Variants in RABEP2 observed in about 807,000 individuals in gnomAD.
The protein encoded by RABEP2 is rab GTPase-binding effector protein 2.
In RABEP2, 57 loss-of-function variants were observed where a neutral mutation model predicts 74.1. The ratio of observed to expected loss-of-function variants is 0.77; its 90% CI spans 0.62 to 0.96. The LOEUF (loss-of-function observed/expected upper bound fraction) is 0.96, where lower values mean the gene tolerates loss of function less well. Among genes scored for constraint, RABEP2 ranks in the 40% least tolerant of loss-of-function variants. RABEP2 has a pLI of 0.00. For missense variants in RABEP2, 692 were observed against 756.3 expected (o/e 0.91, Z 1.00); for synonymous variants, 351 against 344.0 (o/e 1.02, Z -0.23).
At chr16:28,905,952 G>C (rs1294914928) in intron 9 of RABEP2, 67 bp downstream of exon 9, 14 of 1,612,422 alleles carry the variant, frequency 8.7e-6, no homozygotes, top group Non-Finnish European at 1.2e-5. Flanking sequence ...CCTGGGCCCC[G>C]GTGGCTCCCT....
intron 3 of RABEP2, among the ~76,000 whole-genome samples, chr16:28,915,648 G>A (rs1054414147): frequency 2.0e-5 from 3 of 151,758 alleles, no homozygotes; most frequent in East Asian, 2.0e-4. Flanking sequence ...GGGTTCAAGC[G>A]ATTCTCCTGC....
rs375796908 is a variant in RABEP2, at chr16:28,905,699, C to T, written c.1491+5G>A. 2.5e-6 allele frequency: 4 copies of T among 1,613,640 alleles called. No homozygotes were observed. Among genetic ancestry groups the T allele is most frequent in the South Asian group, 2.2e-5 (2 of 91,074 alleles). ...TCCTCCCAGTCCCCCTGCCCTCCCC[C>T]TCACCTTGCTCTGTTCCTGCTGCAC... On this transcript the variant is annotated splice_donor_5th_base_variant and intron_variant, in intron 11 of 12. Coordinates refer to ENST00000358201, the MANE Select transcript of RABEP2 (RefSeq NM_024816.3).
intron 5 of RABEP2, among the ~76,000 whole-genome samples, chr16:28,912,536 G>A (rs769115890): frequency 2.7e-5 from 4 of 150,690 alleles, no homozygotes; most frequent in Non-Finnish European, 5.9e-5. Flanking sequence ...TCAACCTCTC[G>A]AAGTAGCCTG....
Position 28,914,252 on chromosome 16 carries a change from T to C in RABEP2, c.878A>G (p.Glu293Gly). The change falls in exon 5 of 13, where the codon GAG becomes GGG. Residue 293 changes from glutamate (E) to glycine (G), a missense_variant. Glu to Gly is a moderately conservative substitution (Grantham distance 98, BLOSUM62 -2). Transcript: ENST00000358201. ...GYQLVPDTQW[E>G]QLQTEGRQLQ... Reference sequence around the variant, plus strand: ...AACACTCACCTCTGTCTGCAGCTGCTCCCACTGAGTGTCTGGGACGAGCTG... The same window carrying C: ...AACACTCACCTCTGTCTGCAGCTGCCCCCACTGAGTGTCTGGGACGAGCTG... The C allele has an allele frequency of 6.2e-7, 1 of 1,604,536 alleles. No individual in the cohort carries two copies. The highest frequency in any genetic ancestry group is 8.5e-7 in the Non-Finnish European group (1 of 1,176,118).
In RABEP2 at chr16:28,904,846, G is replaced by A. The variant is rs1460622974; in HGVS notation, c.*97C>T. On this transcript the variant is annotated 3_prime_UTR_variant, in exon 13 of 13. Transcript: ENST00000358201. The stretch of plus-strand genomic sequence containing the variant: ...TCCCCTCAACCCCAGTCTCAGGGAC[G>A]GTGGAAAAGCCATCCAAGACCCCAG... The A allele has an allele frequency of 2.6e-5, 24 of 924,656 alleles. 1 individual carries two copies. Among genetic ancestry groups the A allele is most frequent in the South Asian group, 4.7e-5 (3 of 63,204 alleles). 57.3% of individuals were successfully genotyped at this position (924,656 alleles called of 1,614,324 possible). A position where few individuals can be genotyped will look rare whatever the true frequency, so the allele number is the denominator to read the frequency against.
At chr16:28,919,470 C>T (rs1030093158) in intron 3 of RABEP2, among the ~76,000 whole-genome samples, 2 of 152,182 alleles carry the variant, frequency 1.3e-5, no homozygotes, top group African/African-American at 4.8e-5. Context: ...AATATATTAC[C>T]AAGAGGTAAT....
At chr16:28,920,655 G>A (rs1165867188) in intron 2 of RABEP2, among the ~76,000 whole-genome samples, 1 of 151,992 alleles carries the variant, frequency 6.6e-6, no homozygotes, top group Non-Finnish European at 1.5e-5. Context: ...CAAAGTGCTG[G>A]GATTATAGGC....
At chr16:28,924,948 CT>C in intron 1 of RABEP2, 154 bp downstream of exon 1, 1 of 973,352 alleles carries the variant, frequency 1.0e-6, no homozygotes, top group Non-Finnish European at 1.6e-6. Flanking sequence ...GCCACGCCCC[CT>C]TTTGCCTGTG....
At chr16:28,908,952 C>CAGATT (rs1048979673) in intron 7 of RABEP2, among the ~76,000 whole-genome samples, 188 bp from the exon 8 acceptor site, 56 of 151,964 alleles carry the variant, frequency 3.7e-4, no homozygotes, top group African/African-American at 1.3e-3. Flanking sequence ...TGCTAACACG[C>CAGATT]AGATTACAGG....
At chr16:28,924,134 T>A (rs759903014) in intron 2 of RABEP2, 53 of 504,992 alleles carry the variant, frequency 1.0e-4, no homozygotes, top group Non-Finnish European at 1.7e-4. Context: ...TGATCAATCA[T>A]CAGTGAGGGA....
chr16:28,914,479 C>A lies in RABEP2; in HGVS notation c.651G>T (p.Gly217=), dbSNP rs1470511181. ...GAGCGAAGGCCTCAGCGGCTGGACC[C>A]CCATCTCCGCTCAGCTCCTCCAGAG... ...LEPLEELSGD[G]GPAAEAFAHN... is the part of the protein sequence containing the mutation. The change falls in exon 5 of 13, where the codon GGG becomes GGT. Residue 217 remains glycine (G), a synonymous_variant. Transcript: ENST00000358201. 1 of 1,613,288 alleles carries A rather than the reference C, an allele frequency of 6.2e-7. No individual in the cohort carries two copies. Among genetic ancestry groups the A allele is most frequent in the South Asian group, 1.1e-5 (1 of 91,074 alleles).
At chr16:28,915,097 A>G (rs142270423) in intron 3 of RABEP2, among the ~76,000 whole-genome samples, 2 of 2,624 alleles carry the variant, frequency 7.6e-4, no homozygotes, top group African/African-American at 1.8e-3. Context: ...GTCTTGCTCT[A>G]TCACCCAGGC....
chr16:28,910,967 T>A lies in RABEP2; in HGVS notation c.1010A>T (p.Gln337Leu). 1.2e-6 allele frequency: 2 copies of A among 1,611,900 alleles called. No individual in the cohort carries two copies. Among genetic ancestry groups the A allele is most frequent in the Non-Finnish European group, 1.7e-6 (2 of 1,178,618 alleles). Reference protein sequence around the residue: ...CAKQMQVLLAQVQNSEQLLRT... With the variant: ...CAKQMQVLLALVQNSEQLLRT... ...CAGCAGCTGCTCTGAGTTCTGGACC[T>A]GGGCCAGGAGCACCTGCATCTGGGT... Residue 337 changes from glutamine to leucine, a missense_variant, in exon 7 of 13, where the codon CAG becomes CTG. Physicochemically the swap from Gln to Leu is moderately radical, Grantham distance 113. Coordinates refer to ENST00000358201, the MANE Select transcript of RABEP2 (RefSeq NM_024816.3).
chr16:28,914,617 G>A (rs751347906), intron 4 of RABEP2, 31 bp from the exon 5 acceptor site: 3 of 1,608,584 alleles, frequency 1.9e-6, no homozygotes, highest in South Asian at 2.2e-5. Context: ...GAGGCTGGGG[G>A]GCCAGGGTCC....
Position 28,925,084 on chromosome 16 carries a change from C to T in RABEP2, c.61+19G>A. On this transcript the variant is annotated intron_variant, in intron 1 of 12. Transcript: ENST00000358201. ...CCAGCATCACCGTTCCCCGCTTGCACGGACGCCCCCTCACGTACCAGCCCC... is the reference window on the plus strand; with the variant it reads ...CCAGCATCACCGTTCCCCGCTTGCATGGACGCCCCCTCACGTACCAGCCCC... The T allele has an allele frequency of 6.5e-7, 1 of 1,549,600 alleles. No individual in the cohort carries two copies. The highest frequency in any genetic ancestry group is 8.7e-7 in the Non-Finnish European group (1 of 1,155,660).
At position 28,914,468 on chromosome 16, in the gene RABEP2, G is replaced by A. The variant is rs1440720246; in HGVS notation, c.662C>T (p.Ala221Val). 1.1e-5 allele frequency: 17 copies of A among 1,613,290 alleles called. No homozygotes were observed. The highest frequency in any genetic ancestry group is 1.4e-5 in the Non-Finnish European group (17 of 1,179,886). Residue 221 changes from alanine (A) to valine (V), a missense_variant, in exon 5 of 13, where the codon GCT becomes GTT. Physicochemically the swap from Ala to Val is moderately conservative, Grantham distance 64. Coordinates refer to ENST00000358201, the MANE Select transcript of RABEP2 (RefSeq NM_024816.3). The stretch of plus-strand genomic sequence containing the variant: ...ATCGCAGTTGTGAGCGAAGGCCTCA[G>A]CGGCTGGACCCCCATCTCCGCTCAG... ...EELSGDGGPA[A>V]EAFAHNCDDS...
At chr16:28,920,043 G>A in intron 2 of RABEP2, 100 bp from the exon 3 acceptor site, 1 of 1,316,098 alleles carries the variant, frequency 7.6e-7, no homozygotes, top group Non-Finnish European at 1.0e-6. Flanking sequence ...CTTTCTGTGA[G>A]ACAATCTACC....
At chr16:28,908,425 G>A (rs1292080652) in intron 8 of RABEP2, among the ~76,000 whole-genome samples, 184 bp downstream of exon 8, 1 of 152,192 alleles carries the variant, frequency 6.6e-6, no homozygotes, top group Non-Finnish European at 1.5e-5. Context: ...TTCTTTTGAT[G>A]CCAATGCTGG....
intron 2 of RABEP2, among the ~76,000 whole-genome samples, chr16:28,920,687 T>C (rs919310040): frequency 6.6e-6 from 1 of 150,950 alleles, no homozygotes; most frequent in East Asian, 1.9e-4. Context: ...CTCCCAGCCC[T>C]TTTTTTTTGT....
Sources: gnomAD v4.1 joint callset for allele counts (sites outside exome capture counted in the v4.1 genomes callset) on GRCh38, gnomAD v4.1.1 for gene constraint, MANE v1.5 for transcripts, NCBI Gene and HGNC (gene_info 2026-07-23, HGNC 2026-07-21) for gene names.